The following ESRRB variants were observed in gnomAD, a reference collection of about 807,000 sequenced individuals.
ESRRB encodes the protein steroid hormone receptor ERR2.
A neutral mutation model predicts 46.0 loss-of-function variants in ESRRB; 16 were observed. That is an observed-to-expected ratio of 0.35 (90% CI 0.24 to 0.53). The LOEUF is 0.53. ESRRB is among the 20% of genes least tolerant of loss of function. The pLI is 0.93. For missense variants in ESRRB, 488 were observed against 607.4 expected (o/e 0.80, Z 2.07); for synonymous variants, 246 against 259.6 (o/e 0.95, Z 0.50).
intron 1 of ESRRB, among the ~76,000 whole-genome samples, chr14:76,394,924 A>T (rs1410054486): frequency 6.6e-6 from 1 of 152,134 alleles, no homozygotes; most frequent in Non-Finnish European, 1.5e-5. Context: ...AAAAGATAAA[A>T]ATAATTTTGA....
At chr14:76,418,234 C>T (rs944464434) in intron 1 of ESRRB, among the ~76,000 whole-genome samples, 18 of 152,100 alleles carry the variant, frequency 1.2e-4, no homozygotes, top group African/African-American at 2.9e-4. Flanking sequence ...AGATTACAGG[C>T]GTGAGCCACT....
chr14:76,372,552 C>T (rs1036276599), upstream of ESRRB, among the ~76,000 whole-genome samples: 7 of 152,050 alleles, frequency 4.6e-5, no homozygotes, highest in African/African-American at 1.4e-4. Context: ...AGCAGAGTGG[C>T]GGGTCATGGT....
chr14:76,316,147 C>T (rs1390005594), intron 1 of ESRRB, among the ~76,000 whole-genome samples: 5 of 152,204 alleles, frequency 3.3e-5, no homozygotes, highest in African/African-American at 1.2e-4. Flanking sequence ...CCTCTTGACA[C>T]GATCACTTGA....
chr14:76,379,768 C>T (rs954529808), intron 1 of ESRRB, among the ~76,000 whole-genome samples: 2 of 150,688 alleles, frequency 1.3e-5, no homozygotes, highest in African/African-American at 4.9e-5. Flanking sequence ...TGGAAATTTC[C>T]TCTTGGAGTT....
intron 1 of ESRRB, among the ~76,000 whole-genome samples, chr14:76,411,531 G>C (rs1285379351): frequency 2.0e-5 from 3 of 152,064 alleles, no homozygotes; most frequent in African/African-American, 7.2e-5. Flanking sequence ...GAGAGTGAGG[G>C]GTGGAGTGTG....
At chr14:76,386,430 A>G (rs537273655) in intron 1 of ESRRB, among the ~76,000 whole-genome samples, 25 of 149,692 alleles carry the variant, frequency 1.7e-4, no homozygotes, top group Admixed American at 1.3e-3. Flanking sequence ...AGCCCGAAAG[A>G]TTAATTCTAG....
upstream of ESRRB, among the ~76,000 whole-genome samples, chr14:76,367,461 G>A (rs1293774088): frequency 6.6e-6 from 1 of 151,788 alleles, no homozygotes; most frequent in African/African-American, 2.4e-5. Flanking sequence ...GGAGGCTGAG[G>A]CAGGAGGATT....
intron 3 of ESRRB, among the ~76,000 whole-genome samples, chr14:76,475,451 C>T (rs981251241): frequency 1.1e-4 from 17 of 151,782 alleles, no homozygotes; most frequent in Admixed American, 3.3e-4. Context: ...TTTTCCTTAG[C>T]GTAGTGTTTT....
intron 1 of ESRRB, among the ~76,000 whole-genome samples, chr14:76,363,559 T>C (rs1884488434): frequency 6.6e-6 from 1 of 152,238 alleles, no homozygotes; most frequent in African/African-American, 2.4e-5. Flanking sequence ...ATTTTCTCCA[T>C]TCAGCGCTGA....
chr14:76,327,581 C>G (rs1345052340), intron 1 of ESRRB, among the ~76,000 whole-genome samples: 3 of 152,148 alleles, frequency 2.0e-5, no homozygotes, highest in Admixed American at 6.5e-5. Flanking sequence ...GAAGTGCATA[C>G]TATAATTCCC....
intron 1 of ESRRB, among the ~76,000 whole-genome samples, chr14:76,333,028 TATA>T (rs1246841258): frequency 2.9e-4 from 2 of 6,978 alleles, no homozygotes; most frequent in Non-Finnish European, 4.8e-4. Flanking sequence ...TATTATATAT[TATA>T]TATATTATAT....
At chr14:76,352,609 C>T (rs533511084) in intron 1 of ESRRB, among the ~76,000 whole-genome samples, 1 of 152,330 alleles carries the variant, frequency 6.6e-6, no homozygotes, top group African/African-American at 2.4e-5. Context: ...AGGTGTGGGA[C>T]CTCTGGCGCA....
chr14:76,392,923 C>T (rs1433967193), intron 1 of ESRRB, among the ~76,000 whole-genome samples: 1 of 152,210 alleles, frequency 6.6e-6, no homozygotes, highest in Non-Finnish European at 1.5e-5. Context: ...AGAGAAGAGC[C>T]ACTTGGGGGT....
At chr14:76,315,047 C>A (rs897000925) in intron 1 of ESRRB, among the ~76,000 whole-genome samples, 3 of 152,108 alleles carry the variant, frequency 2.0e-5, no homozygotes, top group Non-Finnish European at 2.9e-5. Flanking sequence ...AGGGTGCCAA[C>A]TTTTTTTCTA....
At chr14:76,483,792 G>A (rs1016623306) in intron 5 of ESRRB, among the ~76,000 whole-genome samples, 1 of 152,214 alleles carries the variant, frequency 6.6e-6, no homozygotes, top group Non-Finnish European at 1.5e-5. Flanking sequence ...GCTCTGAAAG[G>A]TGATTACAGC....
intron 1 of ESRRB, among the ~76,000 whole-genome samples, chr14:76,364,650 C>A (rs369509179): frequency 7.2e-5 from 11 of 151,924 alleles, no homozygotes; most frequent in Admixed American, 5.2e-4. Flanking sequence ...TGAGATCACA[C>A]CACTGCACTC....
chr14:76,327,885 T>A (rs939948538), intron 1 of ESRRB, among the ~76,000 whole-genome samples: 25 of 151,926 alleles, frequency 1.6e-4, no homozygotes, highest in Non-Finnish European at 2.9e-4. Flanking sequence ...CGTAATTTTT[T>A]TTTTTTTAAG....
chr14:76,412,696 T>A (rs989014311), intron 1 of ESRRB, among the ~76,000 whole-genome samples: 30 of 152,242 alleles, frequency 2.0e-4, no homozygotes, highest in Non-Finnish European at 3.8e-4. Flanking sequence ...ATGGAGTGAT[T>A]ATTAGCTTTG....
At chr14:76,347,976 G>A (rs1332336836) in intron 1 of ESRRB, among the ~76,000 whole-genome samples, 1 of 152,146 alleles carries the variant, frequency 6.6e-6, no homozygotes, top group African/African-American at 2.4e-5. Flanking sequence ...CCCTACAGAT[G>A]TCATAAGAAT....
Sources: gnomAD v4.1 joint callset for allele counts (sites outside exome capture counted in the v4.1 genomes callset) on GRCh38, gnomAD v4.1.1 for gene constraint, MANE v1.5 for transcripts, NCBI Gene and HGNC (gene_info 2026-07-23, HGNC 2026-07-21) for gene names.